The following CNOT6 variants were observed in gnomAD, a reference collection of about 807,000 sequenced individuals.
The protein encoded by CNOT6 is carbon catabolite repression 4 protein.
A neutral mutation model predicts 61.2 loss-of-function variants in CNOT6; 12 were observed. That is an observed-to-expected ratio of 0.20 (90% confidence interval 0.13 to 0.32). The LOEUF is 0.32. Among genes scored for constraint, CNOT6 ranks in the 10% least tolerant of loss-of-function variants. The pLI, the probability that CNOT6 is intolerant of heterozygous loss-of-function variation, is 1.00. For synonymous variants in CNOT6, 225 were observed against 240.6 expected, an observed-to-expected ratio of 0.94 and a Z score of 0.60; for missense variants, 405 against 663.9, an observed-to-expected ratio of 0.61 and a Z score of 4.28.
intron 1 of CNOT6, chr5:180,495,704 AT>A (rs1191310615): frequency 6.6e-6 from 1 of 152,226 alleles, no homozygotes; most frequent in African/African-American, 2.4e-5. Context: ...GTATCTGGGA[AT>A]TTAACTTTGA....
chr5:180,513,582 C>T (rs1757496986), intron 1 of CNOT6, among the ~76,000 whole-genome samples: 1 of 151,826 alleles, frequency 6.6e-6, no homozygotes. Flanking sequence ...CCATATTGGC[C>T]AGGCTGGTCT....
At chr5:180,572,271 C>T (rs1760787035) in intron 11 of CNOT6, among the ~76,000 whole-genome samples, 1 of 152,078 alleles carries the variant, frequency 6.6e-6, no homozygotes, top group African/African-American at 2.4e-5. Flanking sequence ...CTCACTGCAA[C>T]CTCCACCTCC....
intron 1 of CNOT6, among the ~76,000 whole-genome samples, chr5:180,511,168 AT>A (rs1240835920): frequency 6.6e-6 from 1 of 150,610 alleles, no homozygotes; most frequent in Non-Finnish European, 1.5e-5. Flanking sequence ...TTCCTTTTCC[AT>A]TTTTAAATAT....
intron 2 of CNOT6, among the ~76,000 whole-genome samples, chr5:180,529,763 A>G (rs1308161696): frequency 6.6e-6 from 1 of 152,346 alleles, no homozygotes; most frequent in South Asian, 2.1e-4. Flanking sequence ...ATTGTCAATG[A>G]TAGATTTCTG....
intron 2 of CNOT6, among the ~76,000 whole-genome samples, chr5:180,548,664 C>T (rs994788664): frequency 6.6e-6 from 1 of 152,202 alleles, no homozygotes; most frequent in Non-Finnish European, 1.5e-5. Context: ...GAATGACTCT[C>T]CTGCATTGGT....
At chr5:180,558,887 C>G (rs1176803893) in intron 4 of CNOT6, among the ~76,000 whole-genome samples, 1 of 152,154 alleles carries the variant, frequency 6.6e-6, no homozygotes, top group African/African-American at 2.4e-5. Context: ...CAAGCAATCC[C>G]CCCACCTCAG....
Position 180,501,724 on chromosome 5 carries a change from A to T in CNOT6, c.-3+6961A>T, listed in dbSNP as rs531493810. 2.2e-4 allele frequency among the ~76,000 whole-genome samples: 33 copies of T among 152,376 alleles called. No individual in the cohort carries two copies. In the South Asian group the frequency reaches 3.1e-3, roughly 14 times the overall value. ...AGAGGAGAGGACTAAGGGAACCCTA[A>T]GGAACAGCTAATATTTTGTTTTGGA... On this transcript the variant is annotated intron_variant, in intron 1 of 11. Coordinates refer to ENST00000261951, the MANE Select transcript of CNOT6 (RefSeq NM_001370472.1).
At chr5:180,570,146 C>T (rs1254063313) in intron 10 of CNOT6, among the ~76,000 whole-genome samples, 1 of 152,104 alleles carries the variant, frequency 6.6e-6, no homozygotes, top group Non-Finnish European at 1.5e-5. Flanking sequence ...TCAGTTGAGG[C>T]CAGCAGTTCG....
rs774913015 is a variant in CNOT6 at position 180,574,056 on chromosome 5, C to T, written c.1530C>T (p.Asp510=). The change falls in exon 12 of 12, where the codon GAC becomes GAT. Residue 510 remains aspartate (D), a synonymous_variant. Coordinates refer to ENST00000261951, the MANE Select transcript of CNOT6 (RefSeq NM_001370472.1). ...LNTLGILGPL[D]HHWLVENNIS... ...CCTTAGGCATCCTGGGCCCTCTGGA[C>T]CACCACTGGCTGGTTGAGAATAACA... 7.4e-6 allele frequency: 12 copies of T among 1,613,906 alleles called. No homozygotes were observed. In the East Asian group the frequency reaches 2.5e-4, roughly 33 times the overall value.
At chr5:180,553,571 T>G in intron 4 of CNOT6, 100 bp downstream of exon 4, 1 of 814,550 alleles carries the variant, frequency 1.2e-6, no homozygotes, top group East Asian at 2.6e-5. Context: ...TAAAGACTCA[T>G]TTTCCCCCAG....
At chr5:180,524,738 G>T (rs1383120772) in intron 1 of CNOT6, among the ~76,000 whole-genome samples, 2 of 152,206 alleles carry the variant, frequency 1.3e-5, no homozygotes, top group Non-Finnish European at 2.9e-5. Context: ...ACATGAGATT[G>T]ATAAATCAGA....
At chr5:180,547,681 A>G (rs1427952622) in intron 2 of CNOT6, among the ~76,000 whole-genome samples, 1 of 152,130 alleles carries the variant, frequency 6.6e-6, no homozygotes, top group Non-Finnish European at 1.5e-5. Flanking sequence ...GTTAAGATGT[A>G]CATGTAATTT....
chr5:180,561,961 G>C (rs751693929), intron 4 of CNOT6, among the ~76,000 whole-genome samples: 1 of 152,136 alleles, frequency 6.6e-6, no homozygotes, highest in Non-Finnish European at 1.5e-5. Flanking sequence ...ATGGGACCAC[G>C]TTTTTTTCTT....
chr5:180,551,490 G>C (rs955333609), intron 3 of CNOT6, among the ~76,000 whole-genome samples: 12 of 152,140 alleles, frequency 7.9e-5, no homozygotes, highest in Non-Finnish European at 1.8e-4. Context: ...CTCCCATCTT[G>C]GCCTCCCAGA....
rs1189420222 is a variant in CNOT6, at chr5:180,577,099, G to T, written c.*2899G>T. The stretch of plus-strand genomic sequence containing the variant: ...TTATGGCATAATTTAAGCTAAAGTT[G>T]TAGAAATGAATTGTTGAGTGCAACT... On this transcript the variant is annotated 3_prime_UTR_variant, in exon 12 of 12. Transcript: ENST00000261951. 1.3e-5 allele frequency: 2 copies of T among 151,740 alleles called. No homozygotes were observed. The highest frequency in any genetic ancestry group is 4.9e-5 in the African/African-American group (2 of 41,226). 9.4% of individuals were successfully genotyped at this position (151,740 alleles called of 1,614,324 possible). A position where few individuals can be genotyped will look rare whatever the true frequency, so the allele number is the denominator to read the frequency against.
intron 7 of CNOT6, 64 bp from the exon 8 acceptor site, chr5:180,567,024 T>C (rs1338437272): frequency 4.2e-6 from 6 of 1,416,358 alleles, no homozygotes; most frequent in Non-Finnish European, 5.8e-6. Context: ...AAACTATACA[T>C]AGAAGTTAAT....
chr5:180,502,442 G>T (rs913776001), intron 1 of CNOT6, among the ~76,000 whole-genome samples: 2 of 152,172 alleles, frequency 1.3e-5, no homozygotes, highest in Non-Finnish European at 2.9e-5. Context: ...TCAGCCTTCA[G>T]TTACTAGAAG....
rs151131769 is a variant in CNOT6 at position 180,519,941 on chromosome 5, C to T, written c.-2-9334C>T. 4.2e-4 allele frequency among the ~76,000 whole-genome samples: 64 copies of T among 151,506 alleles called. No individual in the cohort carries two copies. The East Asian group carries it at 0.012, about 28-fold the overall frequency. ...CTCTGCCTCCTGGATTCAAGGGATT[C>T]TCCTGCCTTAGCCCCTTGAGTAGCT... is the stretch of plus-strand genomic sequence containing the variant. On this transcript the variant is annotated intron_variant, in intron 1 of 11. Coordinates refer to ENST00000261951, the MANE Select transcript of CNOT6 (RefSeq NM_001370472.1).
At chr5:180,505,995 A>G (rs188643895) in intron 1 of CNOT6, among the ~76,000 whole-genome samples, 200 of 152,324 alleles carry the variant, frequency 1.3e-3, no homozygotes, top group Admixed American at 3.5e-3. Flanking sequence ...TGAGACATAA[A>G]TGAGGGGCTC....
Sources: gnomAD v4.1 joint callset for allele counts (sites outside exome capture counted in the v4.1 genomes callset) on GRCh38, gnomAD v4.1.1 for gene constraint, MANE v1.5 for transcripts, NCBI Gene and HGNC (gene_info 2026-07-23, HGNC 2026-07-21) for gene names.